MAPKAPK5: variants seen among roughly 807,000 people sequenced by gnomAD.
MAPKAPK5 encodes MAP kinase-activated protein kinase 5.
In MAPKAPK5, 30 loss-of-function variants were observed where a neutral mutation model predicts 65.1. The ratio of observed to expected loss-of-function variants is 0.46; its 90% CI spans 0.34 to 0.63. MAPKAPK5 has a LOEUF of 0.63. Among genes scored for constraint, MAPKAPK5 ranks in the 20% least tolerant of loss-of-function variants. The probability of loss-of-function intolerance (pLI) is 0.01; values close to 1 mark genes in which losing one functional copy is unlikely to be tolerated. For missense variants in MAPKAPK5, 433 were observed against 581.4 expected (o/e 0.74, Z 2.63); for synonymous variants, 179 against 204.6 (o/e 0.87, Z 1.07).
rs142239058 is a variant in MAPKAPK5 at position 111,900,042 on chromosome 12, G to T, written c.*6981G>T. ...CAATGAGACGGTCCAGACAGTAGTGGATGTCATTGCTCTGGCCAACAGCTT... is the reference window on the plus strand; with the variant it reads ...CAATGAGACGGTCCAGACAGTAGTGTATGTCATTGCTCTGGCCAACAGCTT... On this transcript the variant is annotated 3_prime_UTR_variant, in exon 14 of 14. Transcript: ENST00000550735. 160 of 456,022 alleles carry T rather than the reference G, an allele frequency of 3.5e-4. No individual in the cohort carries two copies. The highest frequency in any genetic ancestry group is 5.8e-4 in the Non-Finnish European group (132 of 226,796). The allele number at this position is 456,022 out of a possible 1,614,324, so 28.2% of individuals were successfully genotyped here. A position where few individuals can be genotyped will look rare whatever the true frequency, so the allele number is the denominator to read the frequency against.
At chr12:111,866,063 A>G in intron 2 of MAPKAPK5, 93 bp from the exon 3 acceptor site, 1 of 1,023,022 alleles carries the variant, frequency 9.8e-7, no homozygotes, top group African/African-American at 1.6e-5. Context: ...CATATCCTTG[A>G]TGAGAAGTAC....
intron 1 of MAPKAPK5, among the ~76,000 whole-genome samples, chr12:111,861,636 A>G (rs1331921941): frequency 6.6e-6 from 1 of 152,168 alleles, no homozygotes; most frequent in East Asian, 1.9e-4. Context: ...TGCATCAGGT[A>G]GCTTTAAAAA....
In MAPKAPK5 at chr12:111,902,092, T is replaced by C. The variant is rs984198441; in HGVS notation, c.*9031T>C. 10 of 152,308 alleles carry C rather than the reference T, an allele frequency of 6.6e-5. No homozygotes were observed. The highest frequency in any genetic ancestry group is 2.6e-4 in the Admixed American group (4 of 15,278). 9.4% of individuals were successfully genotyped at this position (152,308 alleles called of 1,614,324 possible). ...CTAACTCTGGGATTTTCATTTTAAGTAACAACTACCTATTATGTGAGGACA... is the reference window on the plus strand; with the variant it reads ...CTAACTCTGGGATTTTCATTTTAAGCAACAACTACCTATTATGTGAGGACA... On this transcript the variant is annotated 3_prime_UTR_variant, in exon 14 of 14. Transcript: ENST00000550735.
chr12:111,871,610 T>C (rs935775766), intron 7 of MAPKAPK5, among the ~76,000 whole-genome samples: 1 of 152,144 alleles, frequency 6.6e-6, no homozygotes, highest in African/African-American at 2.4e-5. Context: ...ACCACTGCAC[T>C]CTAGCTTGGG....
chr12:111,871,215 A>T (rs2069771579), intron 7 of MAPKAPK5, 35 bp downstream of exon 7: 1 of 1,557,572 alleles, frequency 6.4e-7, no homozygotes, highest in African/African-American at 1.4e-5. Context: ...AAGATCTGTC[A>T]CCAAGCTGCC....
chr12:111,843,620 G>A (rs1045207816), intron 1 of MAPKAPK5, among the ~76,000 whole-genome samples: 3 of 152,074 alleles, frequency 2.0e-5, no homozygotes, highest in Non-Finnish European at 4.4e-5. Context: ...TTGAAGGACA[G>A]GCATCTATTG....
At chr12:111,858,540 C>CTTT (rs60767498) in intron 1 of MAPKAPK5, among the ~76,000 whole-genome samples, 7 of 126,732 alleles carry the variant, frequency 5.5e-5, no homozygotes, top group African/African-American at 1.9e-4. Context: ...TTGAGCACCT[C>CTTT]TTTTTTTTTT....
intron 1 of MAPKAPK5, among the ~76,000 whole-genome samples, chr12:111,850,774 GT>G (rs2069054061): frequency 6.6e-6 from 1 of 152,144 alleles, no homozygotes; most frequent in African/African-American, 2.4e-5. Flanking sequence ...ACACAGTCAA[GT>G]TTATGATCAG....
rs2069765996 is a variant in MAPKAPK5, at chr12:111,871,029, C to T, written c.484-56C>T. On this transcript the variant is annotated intron_variant, in intron 6 of 13. Transcript: ENST00000550735. ...GTAACATGTCTTACACCTGGATTTT[C>T]CTTTAATGTTTACTGAGCACTCTGG... 5 of 1,341,968 alleles carry T rather than the reference C, an allele frequency of 3.7e-6. No homozygotes were observed. The South Asian group carries it at 6.2e-5, about 17-fold the overall frequency. 83.1% of individuals were successfully genotyped at this position (1,341,968 alleles called of 1,614,324 possible).
At chr12:111,874,803 C>T (rs1457287929) in intron 7 of MAPKAPK5, among the ~76,000 whole-genome samples, 16 of 130,172 alleles carry the variant, frequency 1.2e-4, no homozygotes, top group Non-Finnish European at 2.1e-4. Context: ...GAGATGGAGG[C>T]TTGCTCTGTT....
At chr12:111,845,273 C>T (rs1294011121) in intron 1 of MAPKAPK5, among the ~76,000 whole-genome samples, 1 of 152,046 alleles carries the variant, frequency 6.6e-6, no homozygotes, top group Non-Finnish European at 1.5e-5. Flanking sequence ...TACAGGCGCA[C>T]ACCACCACGC....
chr12:111,859,945 A>G (rs1393849811), intron 1 of MAPKAPK5, among the ~76,000 whole-genome samples: 1 of 152,118 alleles, frequency 6.6e-6, no homozygotes, highest in Non-Finnish European at 1.5e-5. Context: ...CACCGTGCCC[A>G]GCGAATCCCA....
At position 111,898,700 on chromosome 12, in the gene MAPKAPK5, TA is replaced by T. The variant is rs1004026766; in HGVS notation, c.*5642del. 2 of 151,978 alleles carry T rather than the reference TA, an allele frequency of 1.3e-5. No individual in the cohort carries two copies. The highest frequency in any genetic ancestry group is 4.8e-5 in the African/African-American group (2 of 41,362). 9.4% of individuals were successfully genotyped at this position (151,978 alleles called of 1,614,324 possible). On this transcript the variant is annotated 3_prime_UTR_variant, in exon 14 of 14. Coordinates refer to ENST00000550735, the MANE Select transcript of MAPKAPK5 (RefSeq NM_003668.4). ...CATCCACATACAGATTTTCTTGAAT[TA>T]AAGAAAAAAACCAGACACTGACAAA...
Position 111,885,902 on chromosome 12 carries a change from C to G in MAPKAPK5, c.849-14C>G, listed in dbSNP as rs371177814. Reference sequence around the variant, plus strand: ...CAACTGTGCATGGCAGCCCTGTTGGCGTTTTCTCCACAGGCTCCTGAAGGT... The same window carrying G: ...CAACTGTGCATGGCAGCCCTGTTGGGGTTTTCTCCACAGGCTCCTGAAGGT... On this transcript the variant is annotated splice_polypyrimidine_tract_variant and intron_variant, in intron 9 of 13. Coordinates refer to ENST00000550735, the MANE Select transcript of MAPKAPK5 (RefSeq NM_003668.4). 2.5e-6 allele frequency: 4 copies of G among 1,613,612 alleles called. No individual in the cohort carries two copies. The highest frequency in any genetic ancestry group is 3.4e-6 in the Non-Finnish European group (4 of 1,179,790).
At chr12:111,867,483 T>C (rs1342394386) in intron 3 of MAPKAPK5, 89 bp from the exon 4 acceptor site, 13 of 832,102 alleles carry the variant, frequency 1.6e-5, no homozygotes, top group African/African-American at 1.4e-4. Flanking sequence ...GTTTTTATTG[T>C]AATTAGCTTG....
chr12:111,847,344 C>CAAAAAA (rs58150812), intron 1 of MAPKAPK5, among the ~76,000 whole-genome samples: 1 of 103,336 alleles, frequency 9.7e-6, no homozygotes, highest in Non-Finnish European at 2.1e-5. Context: ...TGAGACTCTG[C>CAAAAAA]AAAAAAAAAA....
intron 1 of MAPKAPK5, among the ~76,000 whole-genome samples, chr12:111,845,044 C>T (rs1216138375): frequency 6.6e-6 from 1 of 152,096 alleles, no homozygotes; most frequent in African/African-American, 2.4e-5. Flanking sequence ...AGACATAGTT[C>T]CAGGAGATAA....
intron 5 of MAPKAPK5, among the ~76,000 whole-genome samples, chr12:111,869,553 C>G (rs1018251486): frequency 4.6e-5 from 7 of 152,146 alleles, no homozygotes; most frequent in Non-Finnish European, 1.0e-4. Context: ...TCCAAGTTTC[C>G]CATGAACCTT....
At chr12:111,856,225 TG>T (rs2069235274) in intron 1 of MAPKAPK5, among the ~76,000 whole-genome samples, 3 of 152,264 alleles carry the variant, frequency 2.0e-5, no homozygotes. Flanking sequence ...CTTAATTCCA[TG>T]GTGGTTGGAG....
Sources: allele counts gnomAD v4.1 joint callset (sites outside exome capture counted in the v4.1 genomes callset), GRCh38; gene constraint gnomAD v4.1.1; transcripts MANE v1.5; gene names NCBI Gene and HGNC (gene_info 2026-07-23, HGNC 2026-07-21).